Variants in PNP observed in about 807,000 individuals in gnomAD.
PNP encodes the protein purine nucleoside phosphorylase, also known as HEL-S-156an.
In PNP, 18 loss-of-function variants were observed where a neutral mutation model predicts 26.8. That is an observed-to-expected ratio of 0.67 (90% CI 0.46 to 1.00). The LOEUF (loss-of-function observed/expected upper bound fraction) is 1.00, where lower values mean the gene tolerates loss of function less well. Ranked by LOEUF, PNP falls within the 50% of genes least tolerant of loss-of-function variation. The pLI is 0.00. For missense variants in PNP, 320 were observed against 362.9 expected (o/e 0.88, Z 0.96); for synonymous variants, 116 against 124.8 (o/e 0.93, Z 0.47).
intron 1 of PNP, among the ~76,000 whole-genome samples, chr14:20,471,341 G>T (rs369432349): frequency 6.6e-6 from 1 of 151,090 alleles, no homozygotes; most frequent in East Asian, 1.9e-4. Context: ...GAGCCACCGC[G>T]CCCAGCCCCT....
In PNP at chr14:20,469,490, C is replaced by T; in HGVS notation, c.-35C>T. 6.4e-7 allele frequency: 1 copy of T among 1,550,388 alleles called. No individual in the cohort carries two copies. Among genetic ancestry groups the T allele is most frequent in the Non-Finnish European group, 8.7e-7 (1 of 1,147,156 alleles). ...CGGATCGGAGCGGATCGGAGCACAC[C>T]GGAGCAGGCTCATCGAGAAGGCGTC... On this transcript the variant is annotated 5_prime_UTR_variant, in exon 1 of 6. Coordinates refer to ENST00000361505, the MANE Select transcript of PNP (RefSeq NM_000270.4).
rs772212348 is a variant in PNP at position 20,475,169 on chromosome 14, G to A, written c.569G>A (p.Gly190Asp). ...QMGEQRELQE[G>D]TYVMVAGPSF... ...GGGGAGCAACGTGAGCTACAGGAAGGCACCTATGTGATGGTGGCAGGCCCC... is the reference window on the plus strand; with the variant it reads ...GGGGAGCAACGTGAGCTACAGGAAGACACCTATGTGATGGTGGCAGGCCCC... The change falls in exon 5 of 6, where the codon GGC becomes GAC. Residue 190 changes from glycine (G) to aspartate (D), a missense_variant. Transcript: ENST00000361505. 1 of 1,614,216 alleles carries A rather than the reference G, an allele frequency of 6.2e-7. No individual in the cohort carries two copies. The highest frequency in any genetic ancestry group is 8.5e-7 in the Non-Finnish European group (1 of 1,180,040).
chr14:20,471,155 C>T (rs935250234), intron 1 of PNP, among the ~76,000 whole-genome samples: 12 of 150,920 alleles, frequency 8.0e-5, no homozygotes, highest in Non-Finnish European at 1.2e-4. Flanking sequence ...CTCAGCCTCC[C>T]GTGTAGCTAG....
rs1882075868 is a variant in PNP, at chr14:20,475,171, A to G, written c.571A>G (p.Thr191Ala). 1.9e-6 allele frequency: 3 copies of G among 1,614,046 alleles called. No homozygotes were observed. Among genetic ancestry groups the G allele is most frequent in the South Asian group, 1.1e-5 (1 of 91,090 alleles). ...MGEQRELQEG[T>A]YVMVAGPSFE... ...GGAGCAACGTGAGCTACAGGAAGGC[A>G]CCTATGTGATGGTGGCAGGCCCCAG... is the stretch of plus-strand genomic sequence containing the variant. Residue 191 changes from threonine (T) to alanine (A), a missense_variant, in exon 5 of 6, where the codon ACC becomes GCC. Physicochemically the swap from Thr to Ala is moderately conservative, Grantham distance 58. Transcript: ENST00000361505.
chr14:20,476,262 G>A, intron 5 of PNP, 122 bp from the exon 6 acceptor site: 1 of 834,338 alleles, frequency 1.2e-6, no homozygotes, highest in African/African-American at 1.7e-5. Flanking sequence ...GTGAACCACT[G>A]CACCCGGCCA....
chr14:20,475,237 G>A lies in PNP; in HGVS notation c.637G>A (p.Gly213Arg). 2 of 1,612,610 alleles carry A rather than the reference G, an allele frequency of 1.2e-6. No homozygotes were observed. Among genetic ancestry groups the A allele is most frequent in the Non-Finnish European group, 1.7e-6 (2 of 1,178,818 alleles). ...AGAATGTCGTGTGCTGCAGAAGCTG[G>A]GAGCAGACGCTGTTGGTGAGAAGGG... ...VAECRVLQKL[G>R]ADAVGMSTVP... The change falls in exon 5 of 6, where the codon GGA becomes AGA. Residue 213 changes from glycine to arginine, a missense_variant. By Grantham distance (125) the Gly-to-Arg change is moderately radical. Coordinates refer to ENST00000361505, the MANE Select transcript of PNP (RefSeq NM_000270.4).
intron 2 of PNP, 171 bp from the exon 3 acceptor site, chr14:20,474,301 C>G (rs1212085318): frequency 3.2e-6 from 2 of 632,210 alleles, no homozygotes; most frequent in Non-Finnish European, 5.7e-6. Flanking sequence ...TTAGTAATGC[C>G]TGGCTCTCTC....
chr14:20,473,364 G>T (rs1394330453), intron 2 of PNP: 1 of 152,168 alleles, frequency 6.6e-6, no homozygotes, highest in African/African-American at 2.4e-5. Context: ...ACTGTTCCGT[G>T]GGTCATAAGG....
At position 20,472,479 on chromosome 14, in the gene PNP, T is replaced by C; in HGVS notation, c.181+2T>C. 1 of 1,613,556 alleles carries C rather than the reference T, an allele frequency of 6.2e-7. No individual in the cohort carries two copies. Among genetic ancestry groups the C allele is most frequent in the Non-Finnish European group, 8.5e-7 (1 of 1,179,472 alleles). On this transcript the variant is annotated splice_donor_variant, in intron 2 of 5. Transcript: ENST00000361505. LOFTEE classifies it high-confidence loss of function. ...TCCCCAACTTTCCCCGAAGTACAGG[T>C]ACTGGCAAGGGAAAGTGGGGAATGG...
chr14:20,470,139 C>T (rs1159808407), intron 1 of PNP, among the ~76,000 whole-genome samples: 1 of 152,170 alleles, frequency 6.6e-6, no homozygotes, highest in Non-Finnish European at 1.5e-5. Context: ...TTCCCCCACC[C>T]CACGCCTTTG....
At position 20,476,890 on chromosome 14, in the gene PNP, A is replaced by G. The variant is rs1316908133; in HGVS notation, c.*289A>G. ...AGCTGGAGCCCGTGCCCTACCACAC[A>G]TCTGTGGAGATGCCCAGGATTTGAC... is the stretch of plus-strand genomic sequence containing the variant. On this transcript the variant is annotated 3_prime_UTR_variant, in exon 6 of 6. Transcript: ENST00000361505. 2.3e-6 allele frequency: 1 copy of G among 436,624 alleles called. No homozygotes were observed. Among genetic ancestry groups the G allele is most frequent in the African/African-American group, 2.0e-5 (1 of 49,784 alleles). The allele number at this position is 436,624 out of a possible 1,614,324, so 27.0% of individuals were successfully genotyped here.
chr14:20,475,388 T>C, intron 5 of PNP, 136 bp downstream of exon 5: 3 of 762,162 alleles, frequency 3.9e-6, no homozygotes, highest in South Asian at 1.8e-5. Flanking sequence ...AACTGACTTA[T>C]TGAAATACAA....
At chr14:20,475,981 G>T (rs1004081318) in intron 5 of PNP, among the ~76,000 whole-genome samples, 2 of 152,004 alleles carry the variant, frequency 1.3e-5, no homozygotes, top group Non-Finnish European at 2.9e-5. Context: ...CTGCTTCTTT[G>T]GATTTGTTTT....
In PNP at chr14:20,474,459, G is replaced by A; in HGVS notation, c.182-13G>A. ...TATAATCCCATTCATTTCTCTTTCTGTTTTGTATACAGTGCCAGGTCATGC... is the reference window on the plus strand; with the variant it reads ...TATAATCCCATTCATTTCTCTTTCTATTTTGTATACAGTGCCAGGTCATGC... On this transcript the variant is annotated splice_polypyrimidine_tract_variant and intron_variant, in intron 2 of 5. Coordinates refer to ENST00000361505, the MANE Select transcript of PNP (RefSeq NM_000270.4). 2 of 1,610,094 alleles carry A rather than the reference G, an allele frequency of 1.2e-6. No individual in the cohort carries two copies. The highest frequency in any genetic ancestry group is 2.2e-5 in the East Asian group (1 of 44,866).
chr14:20,476,069 G>T (rs1371357231), intron 5 of PNP, among the ~76,000 whole-genome samples: 1 of 152,182 alleles, frequency 6.6e-6, no homozygotes, highest in African/African-American at 2.4e-5. Context: ...GACTGCCTGG[G>T]CTCAAACAAT....
intron 5 of PNP, 50 bp downstream of exon 5, chr14:20,475,302 A>G: frequency 6.5e-7 from 1 of 1,529,346 alleles, no homozygotes; most frequent in Non-Finnish European, 9.0e-7. Flanking sequence ...GGTTTAGCAA[A>G]ATGGGAAGGG....
intron 1 of PNP, 103 bp downstream of exon 1, chr14:20,469,638 C>A: frequency 2.1e-6 from 3 of 1,447,800 alleles, no homozygotes; most frequent in Non-Finnish European, 2.8e-6. Context: ...AGGGAGCGAG[C>A]GCCCAGGGGA....
At chr14:20,472,501 A>C (rs1183936298) in intron 2 of PNP, 24 bp downstream of exon 2, 1 of 1,608,158 alleles carries the variant, frequency 6.2e-7, no homozygotes, top group Non-Finnish European at 8.5e-7. Flanking sequence ...AAAGTGGGGA[A>C]TGGGACTGAG....
In PNP at chr14:20,476,551, T is replaced by G; in HGVS notation, c.820T>G (p.Phe274Val). The G allele has an allele frequency of 6.2e-7, 1 of 1,614,162 alleles. No individual in the cohort carries two copies. The highest frequency in any genetic ancestry group is 8.5e-7 in the Non-Finnish European group (1 of 1,180,032). ...GKQAAQKLEQ[F>V]VSILMASIPL... is the part of the protein sequence containing the mutation. ...ACAAGCTGCACAGAAATTGGAACAG[T>G]TTGTCTCCATTCTTATGGCCAGCAT... Residue 274 changes from phenylalanine to valine, a missense_variant, in exon 6 of 6, where the codon TTT (phenylalanine) becomes GTT (valine). Physicochemically the swap from Phe to Val is conservative, Grantham distance 50. Coordinates refer to ENST00000361505, the MANE Select transcript of PNP (RefSeq NM_000270.4).
Sources: allele counts gnomAD v4.1 joint callset (sites outside exome capture counted in the v4.1 genomes callset), GRCh38; gene constraint gnomAD v4.1.1; transcripts MANE v1.5; gene names NCBI Gene and HGNC (gene_info 2026-07-23, HGNC 2026-07-21).